Variants in STT3B observed in about 807,000 individuals in gnomAD.
The protein encoded by STT3B is dolichyl-diphosphooligosaccharide--protein glycosyltransferase subunit STT3B.
In STT3B, 29 loss-of-function variants were observed where a neutral mutation model predicts 96.8. That is an observed-to-expected ratio of 0.30 (90% CI 0.22 to 0.41). STT3B has a LOEUF of 0.41. Ranked by LOEUF, STT3B falls within the 10% of genes least tolerant of loss-of-function variation. The pLI, the probability that STT3B is intolerant of heterozygous loss-of-function variation, is 1.00. For synonymous variants in STT3B, 367 were observed against 360.0 expected, an observed-to-expected ratio of 1.02 and a Z score of -0.22; for missense variants, 640 against 1,022.3, an observed-to-expected ratio of 0.63 and a Z score of 5.10.
chr3:31,538,042 A>C (rs1397858098), intron 1 of STT3B, among the ~76,000 whole-genome samples: 1 of 152,178 alleles, frequency 6.6e-6, no homozygotes, highest in Non-Finnish European at 1.5e-5. Flanking sequence ...AAGACCCCAC[A>C]ATTCAACAGA....
chr3:31,540,523 C>A (rs1269553365), intron 1 of STT3B, among the ~76,000 whole-genome samples: 2 of 152,018 alleles, frequency 1.3e-5, no homozygotes, highest in Non-Finnish European at 2.9e-5. Flanking sequence ...AGACTTTTCT[C>A]CCCAGTATGG....
At chr3:31,548,914 T>A (rs1401598957) in intron 1 of STT3B, among the ~76,000 whole-genome samples, 1 of 152,252 alleles carries the variant, frequency 6.6e-6, no homozygotes, top group Non-Finnish European at 1.5e-5. Flanking sequence ...AACTGCTTAC[T>A]ACATTCTTTG....
chr3:31,556,932 A>C (rs1697728790), intron 1 of STT3B, among the ~76,000 whole-genome samples: 1 of 152,056 alleles, frequency 6.6e-6, no homozygotes. Flanking sequence ...TTTTCTGTGC[A>C]TTTAAGGTCT....
In STT3B at chr3:31,631,296, G is replaced by T. The variant is rs757269534; in HGVS notation, c.2188-1639G>T. Among the ~76,000 whole-genome samples, 79 of 152,132 alleles carry T rather than the reference G, an allele frequency of 5.2e-4. 1 individual carries two copies. The highest frequency in any genetic ancestry group is 1.0e-3 in the Non-Finnish European group (71 of 68,006). ...AACAGCAGGTGATAATCTAGATTTA[G>T]GTTTTTGTTTGTGTTTATAATTTCT... On this transcript the variant is annotated intron_variant, in intron 14 of 15. Transcript: ENST00000295770.
At chr3:31,623,332 A>C (rs960311601) in intron 10 of STT3B, among the ~76,000 whole-genome samples, 2 of 152,314 alleles carry the variant, frequency 1.3e-5, no homozygotes, top group Middle Eastern at 3.4e-3. Context: ...AGATTTTATA[A>C]GAATTTACAT....
intron 1 of STT3B, among the ~76,000 whole-genome samples, chr3:31,535,720 G>A (rs771507862): frequency 4.6e-5 from 7 of 151,950 alleles, no homozygotes; most frequent in Admixed American, 2.0e-4. Context: ...GCGAAACTCC[G>A]ACTCAAAAAA....
chr3:31,607,193 T>C (rs1308870714), intron 5 of STT3B, among the ~76,000 whole-genome samples: 5 of 152,096 alleles, frequency 3.3e-5, no homozygotes, highest in Non-Finnish European at 7.4e-5. Context: ...GGATGAGACT[T>C]TGGACTGTGG....
intron 13 of STT3B, among the ~76,000 whole-genome samples, chr3:31,627,057 C>T (rs1267774683): frequency 1.3e-5 from 2 of 152,134 alleles, no homozygotes; most frequent in East Asian, 3.8e-4. Context: ...CTCCAAAAGC[C>T]CTTTTCTGGT....
At chr3:31,537,328 T>C (rs1697126291) in intron 1 of STT3B, among the ~76,000 whole-genome samples, 1 of 152,230 alleles carries the variant, frequency 6.6e-6, no homozygotes, top group African/African-American at 2.4e-5. Flanking sequence ...ACCTCAGTTC[T>C]GAAGAAGACA....
At chr3:31,617,107 T>G (rs1699322594) in intron 7 of STT3B, 32 bp downstream of exon 7, 2 of 1,461,564 alleles carry the variant, frequency 1.4e-6, no homozygotes, top group South Asian at 3.1e-5. Context: ...GTGTGAATAT[T>G]GTCTATACAA....
intron 3 of STT3B, among the ~76,000 whole-genome samples, chr3:31,585,361 T>C (rs1462509093): frequency 6.6e-6 from 1 of 152,106 alleles, no homozygotes; most frequent in African/African-American, 2.4e-5. Context: ...AACTATAATA[T>C]GGAAGTAATA....
At chr3:31,602,379 T>C (rs1698947783) in intron 5 of STT3B, among the ~76,000 whole-genome samples, 1 of 152,090 alleles carries the variant, frequency 6.6e-6, no homozygotes, top group African/African-American at 2.4e-5. Context: ...TGTTGTTGTT[T>C]TGTGTAAATT....
intron 1 of STT3B, among the ~76,000 whole-genome samples, chr3:31,568,728 T>G (rs1298482486): frequency 2.6e-5 from 4 of 152,158 alleles, no homozygotes; most frequent in African/African-American, 9.7e-5. Flanking sequence ...TGAGATTTCT[T>G]TGTTGTTGTT....
At chr3:31,617,101 G>T (rs760440613) in intron 7 of STT3B, 26 bp downstream of exon 7, 4 of 1,505,712 alleles carry the variant, frequency 2.7e-6, no homozygotes, top group East Asian at 2.3e-5. Flanking sequence ...TGTAGGGTGT[G>T]AATATTGTCT....
Position 31,615,108 on chromosome 3 carries a change from A to G in STT3B, c.881A>G (p.Tyr294Cys). 1 of 1,599,702 alleles carries G rather than the reference A, an allele frequency of 6.3e-7. No homozygotes were observed. Among genetic ancestry groups the G allele is most frequent in the Non-Finnish European group, 8.5e-7 (1 of 1,169,594 alleles). The change falls in exon 6 of 16, where the codon TAT (tyrosine) becomes TGT (cysteine). Residue 294 changes from tyrosine to cysteine, a missense_variant. Coordinates refer to ENST00000295770, the MANE Select transcript of STT3B (RefSeq NM_178862.3). The stretch of plus-strand genomic sequence containing the variant: ...GTTTCCTATTTTGTCTTTATAGCAT[A>G]TAGCACTTTCTACATTGTGGGTTTA... ...QRYSKRVYIA[Y>C]STFYIVGLIL...
chr3:31,560,000 T>C (rs1483642912), intron 1 of STT3B, among the ~76,000 whole-genome samples: 1 of 152,082 alleles, frequency 6.6e-6, no homozygotes, highest in Non-Finnish European at 1.5e-5. Context: ...GTGTAGGTAC[T>C]CGTGCTCACT....
At chr3:31,635,243 T>C (rs1254844899) in intron 15 of STT3B, among the ~76,000 whole-genome samples, 1 of 152,162 alleles carries the variant, frequency 6.6e-6, no homozygotes, top group African/African-American at 2.4e-5. Context: ...GTGTGTCAGA[T>C]TGAAAGACAT....
chr3:31,596,729 T>A, intron 3 of STT3B, 69 bp from the exon 4 acceptor site: 1 of 1,266,816 alleles, frequency 7.9e-7, no homozygotes, highest in Non-Finnish European at 1.1e-6. Context: ...TACCAAACAT[T>A]TAACTTTTAA....
At chr3:31,594,965 T>C (rs1698753953) in intron 3 of STT3B, among the ~76,000 whole-genome samples, 2 of 152,314 alleles carry the variant, frequency 1.3e-5, no homozygotes, top group South Asian at 4.1e-4. Flanking sequence ...AGCCTCCTTG[T>C]ATTCAGCTGT....
Sources: gnomAD v4.1 joint callset for allele counts (sites outside exome capture counted in the v4.1 genomes callset) on GRCh38, gnomAD v4.1.1 for gene constraint, MANE v1.5 for transcripts, NCBI Gene and HGNC (gene_info 2026-07-23, HGNC 2026-07-21) for gene names.